The following DCAF8L2 variants were observed in gnomAD, a reference collection of about 807,000 sequenced individuals.
DCAF8L2 encodes DDB1 and CUL4 associated factor 8 like 2, also known as DDB1- and CUL4-associated factor 8-like protein 2.
For missense variants in DCAF8L2, 430 were observed against 490.7 expected (o/e 0.88, Z 1.17); for synonymous variants, 200 against 190.9 (o/e 1.05, Z -0.39).
the DCAF8L2 span, among the ~76,000 whole-genome samples, chrX:27,575,561 A>C: frequency 9.0e-6 from 1 of 111,559 alleles, no homozygotes; most frequent in Admixed American, 9.6e-5. Context: ...ACTGTGATAT[A>C]AATGTGCTCT....
chrX:27,469,529 G>A, the DCAF8L2 span, among the ~76,000 whole-genome samples: 30 of 111,462 alleles, frequency 2.7e-4, no homozygotes, highest in Non-Finnish European at 4.7e-4. Flanking sequence ...AGTCTATTTC[G>A]TCTTAACATT....
At chrX:27,659,959 T>C (rs1334977051) in intron 2 of DCAF8L2, among the ~76,000 whole-genome samples, 2 of 111,850 alleles carry the variant, frequency 1.8e-5, no homozygotes, top group Non-Finnish European at 1.9e-5. Context: ...TGCTGGAGAA[T>C]TATTGTCCTT....
At chrX:27,659,796 C>G (rs868030149) in intron 2 of DCAF8L2, among the ~76,000 whole-genome samples, 2 of 110,756 alleles carry the variant, frequency 1.8e-5, no homozygotes, top group South Asian at 7.6e-4. Flanking sequence ...GTATCTATCT[C>G]TTTGTTGAAT....
At chrX:27,488,888 A>C in the DCAF8L2 span, among the ~76,000 whole-genome samples, 1 of 109,851 alleles carries the variant, frequency 9.1e-6, no homozygotes, top group Non-Finnish European at 1.9e-5. Context: ...GCTGGTCTTC[A>C]AGCGATCCTC....
chrX:27,606,220 C>G lies in DCAF8L2; in HGVS notation c.-342+15780C>G, dbSNP rs973492562. On this transcript the variant is annotated intron_variant, in intron 1 of 4. Coordinates refer to ENST00000451261, the MANE Select transcript of DCAF8L2 (RefSeq NM_001353450.2). ...TAAGAACTGTACATTGTTTTTAATTCCTAGATACAAATATATATATATATA... is the reference window on the plus strand; with the variant it reads ...TAAGAACTGTACATTGTTTTTAATTGCTAGATACAAATATATATATATATA... Among the ~76,000 whole-genome samples, 6 of 59,267 alleles carry G rather than the reference C, an allele frequency of 1.0e-4. No individual in the cohort carries two copies. In the Admixed American group the frequency reaches 1.2e-3, roughly 11 times the overall value. The allele number at this position is 59,267 out of a possible 115,157, so 51.5% of individuals were successfully genotyped here. A position where few individuals can be genotyped will look rare whatever the true frequency, so the allele number is the denominator to read the frequency against.
At chrX:27,686,311 T>C (rs951699380) in intron 3 of DCAF8L2, among the ~76,000 whole-genome samples, 1 of 111,523 alleles carries the variant, frequency 9.0e-6, no homozygotes, top group South Asian at 3.7e-4. Context: ...CTATTCACAA[T>C]AGACAAGATA....
At chrX:27,740,889 T>C (rs987894782) in intron 4 of DCAF8L2, among the ~76,000 whole-genome samples, 1 of 111,920 alleles carries the variant, frequency 8.9e-6, no homozygotes, top group Admixed American at 9.5e-5. Flanking sequence ...ATCTATATAT[T>C]AATTTGTCTG....
At chrX:27,696,098 C>T (rs1463067443) in intron 3 of DCAF8L2, among the ~76,000 whole-genome samples, 4 of 107,423 alleles carry the variant, frequency 3.7e-5, no homozygotes, top group Admixed American at 1.0e-4. Flanking sequence ...ATTCGGGAGG[C>T]TGAGGCAGGA....
chrX:27,555,455 G>T, the DCAF8L2 span, among the ~76,000 whole-genome samples: 9 of 111,798 alleles, frequency 8.1e-5, no homozygotes, highest in African/African-American at 2.9e-4. Context: ...TAGACATGTT[G>T]GTTGGGATCA....
At chrX:27,636,363 C>T (rs991110150) in intron 2 of DCAF8L2, among the ~76,000 whole-genome samples, 3 of 111,989 alleles carry the variant, frequency 2.7e-5, no homozygotes, top group Non-Finnish European at 3.8e-5. Context: ...AAATCTACTA[C>T]AATTGCATTT....
the DCAF8L2 span, among the ~76,000 whole-genome samples, chrX:27,478,675 T>C: frequency 8.9e-6 from 1 of 112,108 alleles, no homozygotes; most frequent in South Asian, 3.7e-4. Flanking sequence ...AATGCCAAGA[T>C]ATATAGAGAA....
chrX:27,706,337 T>C (rs1247174292), intron 3 of DCAF8L2, among the ~76,000 whole-genome samples: 3 of 111,134 alleles, frequency 2.7e-5, no homozygotes, highest in African/African-American at 6.5e-5. Flanking sequence ...ACTTTTTTTT[T>C]CTAATTTTGT....
At chrX:27,728,316 CTTGTTGTTGTTG>C (rs60828124) in intron 4 of DCAF8L2, among the ~76,000 whole-genome samples, 1 of 109,735 alleles carries the variant, frequency 9.1e-6, no homozygotes, top group Non-Finnish European at 1.9e-5. Context: ...AATTCAATGT[CTTGTTGTTGTTG>C]TTGTTGTTGT....
chrX:27,637,237 C>CTGT (rs1928538752), intron 2 of DCAF8L2, among the ~76,000 whole-genome samples: 1 of 112,110 alleles, frequency 8.9e-6, no homozygotes, highest in African/African-American at 3.2e-5. Flanking sequence ...TCAGGTTTAT[C>CTGT]TGTTATGTCC....
chrX:27,617,437 A>G (rs1157181614), intron 1 of DCAF8L2, among the ~76,000 whole-genome samples: 1 of 110,651 alleles, frequency 9.0e-6, no homozygotes, highest in Non-Finnish European at 1.9e-5. Context: ...TCTGCCTAAC[A>G]TGTCTTAAAC....
the DCAF8L2 span, among the ~76,000 whole-genome samples, chrX:27,496,326 G>T: frequency 4.5e-5 from 5 of 111,842 alleles, no homozygotes; most frequent in Non-Finnish European, 9.4e-5. Flanking sequence ...ACACCAAGCT[G>T]TGAAACGCTC....
At chrX:27,742,090 G>A (rs1475008950) in intron 4 of DCAF8L2, among the ~76,000 whole-genome samples, 2 of 111,945 alleles carry the variant, frequency 1.8e-5, no homozygotes, top group East Asian at 2.8e-4. Flanking sequence ...TAATTTAAAG[G>A]TATTCAGAGA....
chrX:27,655,988 G>GT (rs1201266550), intron 2 of DCAF8L2, among the ~76,000 whole-genome samples: 9 of 111,310 alleles, frequency 8.1e-5, no homozygotes, highest in African/African-American at 2.9e-4. Flanking sequence ...GCTCTAATGG[G>GT]TTTTTTTGCC....
chrX:27,567,956 A>T, the DCAF8L2 span, among the ~76,000 whole-genome samples: 1 of 111,396 alleles, frequency 9.0e-6, no homozygotes. Context: ...CATCTACCTC[A>T]TAAATATGTA....
Sources: allele counts gnomAD v4.1 joint callset (sites outside exome capture counted in the v4.1 genomes callset), GRCh38; gene constraint gnomAD v4.1.1; transcripts MANE v1.5; gene names NCBI Gene and HGNC (gene_info 2026-07-23, HGNC 2026-07-21).